The following OPN5 variants were observed in gnomAD, a reference collection of about 807,000 sequenced individuals.
OPN5 encodes opsin-5.
In OPN5, 18 loss-of-function variants were observed where a neutral mutation model predicts 41.7. The ratio of observed to expected loss-of-function variants is 0.43; its 90% CI spans 0.30 to 0.64. The LOEUF is 0.64. OPN5 is among the 30% of genes least tolerant of loss of function. The probability of loss-of-function intolerance (pLI) is 0.13; values close to 1 mark genes in which losing one functional copy is unlikely to be tolerated. For missense variants in OPN5, 318 were observed against 434.5 expected (o/e 0.73, Z 2.38); for synonymous variants, 178 against 164.3 (o/e 1.08, Z -0.64).
Position 47,808,150 on chromosome 6 carries a change from T to C in OPN5, c.757-4T>C, listed in dbSNP as rs1774046953. 6.2e-7 allele frequency: 1 copy of C among 1,613,742 alleles called. No homozygotes were observed. The highest frequency in any genetic ancestry group is 1.3e-5 in the African/African-American group (1 of 74,878). The stretch of plus-strand genomic sequence containing the variant: ...TTCTTTTCTCTGTTGCTTTCCCTCA[T>C]CAGGTAGCGATGTTGATTTGTGCTG... On this transcript the variant is annotated splice_polypyrimidine_tract_variant and splice_region_variant and intron_variant, in intron 4 of 6. Coordinates refer to ENST00000371211, the Ensembl canonical transcript of OPN5.
intron 6 of OPN5, among the ~76,000 whole-genome samples, chr6:47,820,652 G>A (rs1234165942): frequency 6.6e-6 from 1 of 152,084 alleles, no homozygotes. Context: ...TAGCATCTGA[G>A]GATAAATTCC....
intron 5 of OPN5, among the ~76,000 whole-genome samples, chr6:47,810,338 C>A (rs577655106): frequency 6.6e-5 from 10 of 152,226 alleles, no homozygotes; most frequent in African/African-American, 2.2e-4. Flanking sequence ...CAGAGAAGAG[C>A]AGACGGGTGG....
At chr6:47,810,752 C>A (rs902998666) in intron 5 of OPN5, among the ~76,000 whole-genome samples, 2 of 152,070 alleles carry the variant, frequency 1.3e-5, no homozygotes, top group African/African-American at 4.8e-5. Flanking sequence ...GTTGGTGAAC[C>A]AAAGGAAACA....
chr6:47,791,492 A>G (rs1266191386), intron 2 of OPN5, among the ~76,000 whole-genome samples: 1 of 152,236 alleles, frequency 6.6e-6, no homozygotes, highest in African/African-American at 2.4e-5. Flanking sequence ...CATGTCTGTA[A>G]TTCCTGAAGC....
chr6:47,796,561 G>T (rs1270210479), intron 4 of OPN5, among the ~76,000 whole-genome samples: 1 of 151,830 alleles, frequency 6.6e-6, no homozygotes, highest in Non-Finnish European at 1.5e-5. Context: ...CTATTTTAAA[G>T]ATAAAAATAA....
In OPN5 at chr6:47,819,379, A is replaced by AATATATATATAT. The variant is rs544310153; in HGVS notation, c.1057-4594_1057-4583dup. Among the ~76,000 whole-genome samples the AATATATATATAT allele has an allele frequency of 1.9e-3, 187 of 97,358 alleles. 2 individuals are homozygous for AATATATATATAT. Among genetic ancestry groups the AATATATATATAT allele is most frequent in the African/African-American group, 3.4e-3 (97 of 28,538 alleles). 63.9% of individuals were successfully genotyped at this position (97,358 alleles called of 152,430 possible). ...AAAAATATATTACCGTATAAGTAGA[A>AATATATATATAT]ATATATATATATATATATATAAAAC... On this transcript the variant is annotated intron_variant, in intron 6 of 6. Coordinates refer to ENST00000371211, the Ensembl canonical transcript of OPN5.
At chr6:47,783,309 T>G (rs75407071) in intron 1 of OPN5, among the ~76,000 whole-genome samples, 7,371 of 152,276 alleles carry the variant, frequency 0.048, 239 homozygotes, top group Middle Eastern at 0.11. Context: ...TTGTTTGCCT[T>G]TAATTTTTTC....
exon 4 of OPN5, chr6:47,795,316 G>A: frequency 6.2e-7 from 1 of 1,614,106 alleles, no homozygotes; most frequent in Non-Finnish European, 8.5e-7. Context: ...CCCTTGGTAG[G>A]TCTGGGGGAC....
chr6:47,812,616 G>A (rs758060773), intron 6 of OPN5, among the ~76,000 whole-genome samples: 48 of 152,224 alleles, frequency 3.2e-4, no homozygotes, highest in Non-Finnish European at 4.6e-4. Context: ...GAGAAGGCAC[G>A]TAGATACTAT....
At chr6:47,808,292 G>A (rs539140048) in exon 5 of OPN5, 2 of 1,613,858 alleles carry the variant, frequency 1.2e-6, no homozygotes, top group Non-Finnish European at 1.7e-6. Flanking sequence ...AAAATCTGCA[G>A]CGATGTACAA....
intron 6 of OPN5, among the ~76,000 whole-genome samples, chr6:47,814,410 GA>G (rs772372719): frequency 2.4e-4 from 36 of 152,092 alleles, no homozygotes; most frequent in Non-Finnish European, 4.6e-4. Flanking sequence ...GCATGTATAA[GA>G]AAAATTAGCA....
At chr6:47,811,553 A>T in intron 5 of OPN5, 121 bp from the exon 6 acceptor site, 2 of 466,480 alleles carry the variant, frequency 4.3e-6, no homozygotes, top group East Asian at 3.5e-5. Context: ...CTAATTCAAG[A>T]TTTGTGCACA....
At chr6:47,792,238 T>C (rs1561891784) in intron 3 of OPN5, among the ~76,000 whole-genome samples, 1 of 152,250 alleles carries the variant, frequency 6.6e-6, no homozygotes, top group African/African-American at 2.4e-5. Context: ...TTGTATAGTG[T>C]GTAAGCTTCC....
At chr6:47,818,012 G>T (rs775880269) in intron 6 of OPN5, among the ~76,000 whole-genome samples, 5 of 152,192 alleles carry the variant, frequency 3.3e-5, no homozygotes, top group African/African-American at 1.2e-4. Flanking sequence ...GCATTTCTTC[G>T]CATACAGCTA....
In OPN5 at chr6:47,811,658, C is replaced by A; in HGVS notation, c.999-16C>A. On this transcript the variant is annotated splice_polypyrimidine_tract_variant and intron_variant, in intron 5 of 6. Transcript: ENST00000371211. Reference sequence around the variant, plus strand: ...TATGTAGATATTAAATTGCATTTTTCTTCTCCTATATCTAGGCTGCACACC... The same window carrying A: ...TATGTAGATATTAAATTGCATTTTTATTCTCCTATATCTAGGCTGCACACC... 1 of 1,598,468 alleles carries A rather than the reference C, an allele frequency of 6.3e-7. No homozygotes were observed. The highest frequency in any genetic ancestry group is 1.1e-5 in the South Asian group (1 of 90,532).
At chr6:47,812,381 C>G (rs562967087) in intron 6 of OPN5, among the ~76,000 whole-genome samples, 1 of 152,304 alleles carries the variant, frequency 6.6e-6, no homozygotes, top group African/African-American at 2.4e-5. Context: ...CTTACTAAAA[C>G]AGTGGATGTA....
chr6:47,824,106 C>T, exon 7 of OPN5: 1 of 787,092 alleles, frequency 1.3e-6, no homozygotes, highest in Non-Finnish European at 2.2e-6. Context: ...CTCCACTTAC[C>T]CTGTCAGGAA....
At chr6:47,786,442 T>G in intron 1 of OPN5, 73 bp from the exon 2 acceptor site, 6 of 1,282,412 alleles carry the variant, frequency 4.7e-6, no homozygotes, top group Non-Finnish European at 6.7e-6. Context: ...TTTTTGAAGT[T>G]GAGAAGTGTT....
chr6:47,813,552 T>C (rs1338482034), intron 6 of OPN5, among the ~76,000 whole-genome samples: 1 of 152,126 alleles, frequency 6.6e-6, no homozygotes, highest in African/African-American at 2.4e-5. Context: ...TATGCTGTTA[T>C]ATGGATTTTA....
Sources: allele counts gnomAD v4.1 joint callset (sites outside exome capture counted in the v4.1 genomes callset), GRCh38; gene constraint gnomAD v4.1.1; transcripts MANE v1.5; gene names NCBI Gene and HGNC (gene_info 2026-07-23, HGNC 2026-07-21).